The following B4GALNT3 variants were observed in gnomAD, a reference collection of about 807,000 sequenced individuals.
The protein encoded by B4GALNT3 is beta-1,4-N-acetyl-galactosaminyltransferase 3.
B4GALNT3 carries 86 observed loss-of-function variants against 120.2 expected under a neutral mutation model. The ratio of observed to expected loss-of-function variants is 0.72; its 90% CI spans 0.60 to 0.86. The LOEUF is 0.86. Among genes scored for constraint, B4GALNT3 ranks in the 40% least tolerant of loss-of-function variants. The pLI is 0.00. For synonymous variants in B4GALNT3, 518 were observed against 510.4 expected (o/e 1.01, Z -0.20); for missense variants, 1,167 against 1,298.9 (o/e 0.90, Z 1.56).
Position 548,881 on chromosome 12 carries a change from C to T in B4GALNT3, c.853+584C>T, listed in dbSNP as rs1048049349. ...TTGGGTCACTGTGCTCCAGCCTGGGCAACAGAGCAAGACGCTGCCTCAAAA... is the reference window on the plus strand; with the variant it reads ...TTGGGTCACTGTGCTCCAGCCTGGGTAACAGAGCAAGACGCTGCCTCAAAA... On this transcript the variant is annotated intron_variant, in intron 9 of 19. Coordinates refer to ENST00000266383, the MANE Select transcript of B4GALNT3 (RefSeq NM_173593.4). This position sits in a 1 kb window ranked among gnomAD's most constrained non-coding sequence, Gnocchi z 4.9. 2.0e-5 allele frequency among the ~76,000 whole-genome samples: 3 copies of T among 152,036 alleles called. No homozygotes were observed. The highest frequency in any genetic ancestry group is 4.4e-5 in the Non-Finnish European group (3 of 68,010).
At chr12:510,922 G>C (rs1183601230) in intron 1 of B4GALNT3, among the ~76,000 whole-genome samples, 1 of 148,584 alleles carries the variant, frequency 6.7e-6, no homozygotes, top group Non-Finnish European at 1.5e-5. Context: ...CCCTAGAAAG[G>C]AACCTCACCC....
chr12:560,272 A>T (rs1228354572), intron 19 of B4GALNT3, among the ~76,000 whole-genome samples: 1 of 152,096 alleles, frequency 6.6e-6, no homozygotes, highest in African/African-American at 2.4e-5. Context: ...TGGGGGCGGG[A>T]CCTCGACACG....
intron 1 of B4GALNT3, among the ~76,000 whole-genome samples, chr12:461,258 G>C (rs1946020243): frequency 6.6e-6 from 1 of 152,110 alleles, no homozygotes; most frequent in Non-Finnish European, 1.5e-5. Flanking sequence ...TTAAGGAGAT[G>C]ATGGACAGCA....
At chr12:515,814 G>T (rs560570788) in intron 1 of B4GALNT3, among the ~76,000 whole-genome samples, 1 of 152,226 alleles carries the variant, frequency 6.6e-6, no homozygotes, top group Non-Finnish European at 1.5e-5. Flanking sequence ...AAGTACCTAT[G>T]TGCTGGGCAT....
At position 553,823 on chromosome 12, in the gene B4GALNT3, T is replaced by A. The variant is rs1316367881; in HGVS notation, c.1900T>A (p.Trp634Arg). ...YVPVFDPVVN[W>R]DQTFSARNLD... ...ACCTGTGTTTGACCCGGTAGTAAAC[T>A]GGGACCAGACCTTCAGTGCCCGGAA... The change falls in exon 14 of 20, where the codon TGG (tryptophan) becomes AGG (arginine). Residue 634 changes from tryptophan (W) to arginine (R), a missense_variant. Physicochemically the swap from Trp to Arg is moderately radical, Grantham distance 101 (BLOSUM62 -3). Transcript: ENST00000266383. 1 of 1,614,126 alleles carries A rather than the reference T, an allele frequency of 6.2e-7. No individual in the cohort carries two copies. Among genetic ancestry groups the A allele is most frequent in the East Asian group, 2.2e-5 (1 of 44,902 alleles).
chr12:546,015 GA>G (rs1947000674), intron 6 of B4GALNT3, among the ~76,000 whole-genome samples: 1 of 138,414 alleles, frequency 7.2e-6, no homozygotes, highest in African/African-American at 2.7e-5. Context: ...GAGGAGTGGG[GA>G]AGAGTGAGGA....
intron 19 of B4GALNT3, among the ~76,000 whole-genome samples, chr12:561,011 T>A (rs1250114195): frequency 1.3e-5 from 2 of 152,236 alleles, no homozygotes; most frequent in African/African-American, 4.8e-5. Context: ...GCATCCATCC[T>A]TCTCGTCTTC....
intron 1 of B4GALNT3, among the ~76,000 whole-genome samples, chr12:478,250 TAAAAAAAA>T (rs34616848): frequency 1.2e-5 from 1 of 86,902 alleles, no homozygotes; most frequent in Non-Finnish European, 2.2e-5. Context: ...ACTCTGTCTT[TAAAAAAAA>T]AAAAAAAAAA....
chr12:472,072 G>A (rs1008313774), intron 1 of B4GALNT3, among the ~76,000 whole-genome samples: 1 of 152,210 alleles, frequency 6.6e-6, no homozygotes, highest in African/African-American at 2.4e-5. Context: ...AAGCAAAGGT[G>A]AATATTTCCA....
chr12:526,020 T>A (rs1411495614), intron 1 of B4GALNT3, among the ~76,000 whole-genome samples: 1 of 152,196 alleles, frequency 6.6e-6, no homozygotes, highest in Non-Finnish European at 1.5e-5. Context: ...TTAGCCCTGA[T>A]GTCTAATGAG....
In B4GALNT3 at chr12:553,278, T is replaced by C; in HGVS notation, c.1355T>C (p.Met452Thr). Reference protein sequence around the residue: ...TPASNNQNARMLEGRQTPAST... With the variant: ...TPASNNQNARTLEGRQTPAST... The stretch of plus-strand genomic sequence containing the variant: ...GCCTCCAACAACCAGAATGCCAGGA[T>C]GCTTGAGGGAAGACAGACACCTGCC... Residue 452 changes from methionine (M) to threonine (T), a missense_variant, in exon 14 of 20, where the codon ATG (methionine) becomes ACG (threonine). Met to Thr is a moderately conservative substitution (Grantham distance 81, BLOSUM62 -1). Transcript: ENST00000266383. The C allele has an allele frequency of 6.2e-7, 1 of 1,613,590 alleles. No homozygotes were observed. Among genetic ancestry groups the C allele is most frequent in the Non-Finnish European group, 8.5e-7 (1 of 1,180,024 alleles).
intron 1 of B4GALNT3, among the ~76,000 whole-genome samples, chr12:508,090 C>T (rs947779337): frequency 6.6e-6 from 1 of 152,234 alleles, no homozygotes; most frequent in African/African-American, 2.4e-5. Flanking sequence ...AATGACTCGG[C>T]CCAAGGTCCC....
rs547846508 is a variant in B4GALNT3, at chr12:471,635, A to G, written c.169+11090A>G. ...GGCAGGAGAATTGCTTGAACCTGGG[A>G]GGCAGAGGTTGCAGTGAGCCAAGAT... On this transcript the variant is annotated intron_variant, in intron 1 of 19. Transcript: ENST00000266383. 2.0e-3 allele frequency among the ~76,000 whole-genome samples: 311 copies of G among 151,942 alleles called. 2 individuals carry two copies. Among genetic ancestry groups the G allele is most frequent in the African/African-American group, 7.0e-3 (289 of 41,524 alleles).
At chr12:486,205 CTTTTTTTT>C (rs59345776) in intron 1 of B4GALNT3, among the ~76,000 whole-genome samples, 1 of 97,990 alleles carries the variant, frequency 1.0e-5, no homozygotes, top group Admixed American at 1.3e-4. Flanking sequence ...CCAAAATATT[CTTTTTTTT>C]TTTTTTTTTT....
At chr12:528,310 C>T (rs532629710) in intron 1 of B4GALNT3, among the ~76,000 whole-genome samples, 17 of 152,172 alleles carry the variant, frequency 1.1e-4, no homozygotes, top group African/African-American at 2.7e-4. Context: ...CACTACAGCC[C>T]GAACCCCTGG....
At chr12:467,485 G>A (rs138898371) in intron 1 of B4GALNT3, among the ~76,000 whole-genome samples, 164 of 152,250 alleles carry the variant, frequency 1.1e-3, no homozygotes, top group Admixed American at 2.4e-3. Flanking sequence ...CTTGAACCTG[G>A]GAAGCAGAGG....
At chr12:521,531 G>C (rs1330355522) in intron 1 of B4GALNT3, among the ~76,000 whole-genome samples, 1 of 152,160 alleles carries the variant, frequency 6.6e-6, no homozygotes, top group Non-Finnish European at 1.5e-5. Context: ...AGGGCGGAGA[G>C]GCAGGCCATG....
rs10849116 is a variant in B4GALNT3, at chr12:499,553, C to G, written c.170-35613C>G. The stretch of plus-strand genomic sequence containing the variant: ...GCCCGTGCTCTCACTATCTAGAACA[C>G]TCCTAGCCCGTGGAGCCCGTGCTCT... On this transcript the variant is annotated intron_variant, in intron 1 of 19. Transcript: ENST00000266383. 2.2e-4 allele frequency among the ~76,000 whole-genome samples: 24 copies of G among 110,800 alleles called. 1 individual carries two copies. Among genetic ancestry groups the G allele is most frequent in the African/African-American group, 1.2e-3 (19 of 15,914 alleles). The allele number at this position is 110,800 out of a possible 152,430, so 72.7% of individuals were successfully genotyped here.
intron 1 of B4GALNT3, among the ~76,000 whole-genome samples, chr12:461,160 A>G (rs1050501996): frequency 6.6e-6 from 1 of 150,720 alleles, no homozygotes; most frequent in African/African-American, 2.4e-5. Context: ...TGAATCTCCC[A>G]CCTCCTCGCT....
Sources: allele counts gnomAD v4.1 joint callset (sites outside exome capture counted in the v4.1 genomes callset), GRCh38; gene constraint gnomAD v4.1.1; non-coding constraint Gnocchi (gnomAD v3.1); transcripts MANE v1.5; gene names NCBI Gene and HGNC (gene_info 2026-07-23, HGNC 2026-07-21).